The following MMRN2 variants were observed in gnomAD, a reference collection of about 807,000 sequenced individuals.
MMRN2 encodes the protein multimerin-2.
Under a neutral mutation model 68.8 loss-of-function variants are expected in MMRN2, and 53 were observed. That is an observed-to-expected ratio of 0.77 (90% CI 0.62 to 0.97). The LOEUF is 0.97. Among genes scored for constraint, MMRN2 ranks in the 50% least tolerant of loss-of-function variants. MMRN2 has a pLI of 0.00. For synonymous variants in MMRN2, 564 were observed against 551.6 expected, an observed-to-expected ratio of 1.02 and a Z score of -0.32; for missense variants, 1,266 against 1,259.5, an observed-to-expected ratio of 1.01 and a Z score of -0.08.
At position 86,945,418 on chromosome 10, in the gene MMRN2, C is replaced by T; in HGVS notation, c.352G>A (p.Ala118Thr). Residue 118 changes from alanine to threonine, a missense_variant, in exon 3 of 7, where the codon GCC becomes ACC. Transcript: ENST00000372027. ...GTGTAGCCAGGGCAGCACCTCCAGG[C>T]CAAAGAGGTCAGCACCTTCTGCTTG... Reference protein sequence around the residue: ...QVKQKVLTSLAWRCCPGYTGP... With the variant: ...QVKQKVLTSLTWRCCPGYTGP... 1 of 1,578,410 alleles carries T rather than the reference C, an allele frequency of 6.3e-7. No homozygotes were observed. Among genetic ancestry groups the T allele is most frequent in the Non-Finnish European group, 8.6e-7 (1 of 1,160,940 alleles).
In MMRN2 at chr10:86,936,761, G is replaced by C; in HGVS notation, c.2832C>G (p.Phe944Leu). 6.2e-7 allele frequency: 1 copy of C among 1,614,118 alleles called. No individual in the cohort carries two copies. Among genetic ancestry groups the C allele is most frequent in the Non-Finnish European group, 8.5e-7 (1 of 1,179,996 alleles). The part of the protein sequence containing the change: ...RSLSGTAFGG[F>L]LMFKT ...CTGGGGTTCAGGTCTTAAACATCAG[G>C]AAGCCCCCAAATGCAGTGCCCGACA... Residue 944 changes from phenylalanine (F) to leucine (L), a missense_variant, in exon 7 of 7, where the codon TTC (phenylalanine) becomes TTG (leucine). Coordinates refer to ENST00000372027, the MANE Select transcript of MMRN2 (RefSeq NM_024756.3).
At chr10:86,939,833 G>GTT (rs1440270104) in intron 6 of MMRN2, among the ~76,000 whole-genome samples, 35 of 126,522 alleles carry the variant, frequency 2.8e-4, no homozygotes, top group African/African-American at 7.2e-4. Flanking sequence ...GTGTGTGTGT[G>GTT]TGTGTTTGTG....
At position 86,936,913 on chromosome 10, in the gene MMRN2, G is replaced by C. The variant is rs371020260; in HGVS notation, c.2680C>G (p.Arg894Gly). Residue 894 changes from arginine (R) to glycine (G), a missense_variant, in exon 7 of 7, where the codon CGG becomes GGG. Coordinates refer to ENST00000372027, the MANE Select transcript of MMRN2 (RefSeq NM_024756.3). ...TGCCCAGTGGTACAGACTGGAGTCC[G>C]ATGGTGACCTCCAAACACCAGCTGC... ...TGQLVFGGHHRTPVCTTGQGS... is the reference protein window; with the variant it reads ...TGQLVFGGHHGTPVCTTGQGS... The C allele has an allele frequency of 7.4e-6, 12 of 1,614,110 alleles. No homozygotes were observed. Among genetic ancestry groups the C allele is most frequent in the Non-Finnish European group, 1.7e-6 (2 of 1,180,044 alleles).
At position 86,944,127 on chromosome 10, in the gene MMRN2, C is replaced by T; in HGVS notation, c.657G>A (p.Glu219=). The change falls in exon 6 of 7, where the codon GAG becomes GAA. Residue 219 remains glutamate (E), a splice_region_variant and synonymous_variant. Transcript: ENST00000372027. ...AVMEANQTGH[E]FPDRSLEQVL... ...CCTGCTCCAAGGATCTATCAGGGAA[C>T]TCTGCAACAGACATGTGGTGTGACA... 6.2e-7 allele frequency: 1 copy of T among 1,612,970 alleles called. No homozygotes were observed. Among genetic ancestry groups the T allele is most frequent in the Non-Finnish European group, 8.5e-7 (1 of 1,179,244 alleles).
intron 1 of MMRN2, among the ~76,000 whole-genome samples, chr10:86,948,402 A>G (rs1844100033): frequency 6.6e-6 from 1 of 152,092 alleles, no homozygotes; most frequent in African/African-American, 2.4e-5. Context: ...AAAAAAACAA[A>G]TGAGGGGGAG....
At chr10:86,950,549 C>T (rs1376155267) in intron 1 of MMRN2, among the ~76,000 whole-genome samples, 3 of 152,064 alleles carry the variant, frequency 2.0e-5, no homozygotes, top group African/African-American at 4.8e-5. Flanking sequence ...GGTTCCAACA[C>T]AAAAACCAGG....
intron 1 of MMRN2, chr10:86,945,922 A>C: frequency 2.5e-6 from 3 of 1,212,466 alleles, no homozygotes; most frequent in Non-Finnish European, 3.3e-6. Flanking sequence ...AGCCTCCCCG[A>C]GCCAGCAGAG....
At position 86,936,769 on chromosome 10, in the gene MMRN2, C is replaced by A. The variant is rs745652497; in HGVS notation, c.2824G>T (p.Gly942Trp). Residue 942 changes from glycine (G) to tryptophan (W), a missense_variant, in exon 7 of 7, where the codon GGG becomes TGG. Physicochemically the swap from Gly to Trp is radical, Grantham distance 184. Transcript: ENST00000372027. ...TKRSLSGTAF[G>W]GFLMFKT ...CAGGTCTTAAACATCAGGAAGCCCCCAAATGCAGTGCCCGACAGGCTTCTC... is the reference window on the plus strand; with the variant it reads ...CAGGTCTTAAACATCAGGAAGCCCCAAAATGCAGTGCCCGACAGGCTTCTC... 1 of 1,614,174 alleles carries A rather than the reference C, an allele frequency of 6.2e-7. No homozygotes were observed. The highest frequency in any genetic ancestry group is 8.5e-7 in the Non-Finnish European group (1 of 1,180,024).
chr10:86,950,690 G>T (rs530458706), intron 1 of MMRN2, among the ~76,000 whole-genome samples: 2 of 152,290 alleles, frequency 1.3e-5, no homozygotes, highest in South Asian at 2.1e-4. Context: ...ATGAATGAGT[G>T]TAGAGAGCAG....
chr10:86,943,175 G>T lies in MMRN2; in HGVS notation c.1609C>A (p.Gln537Lys). 1 of 1,606,646 alleles carries T rather than the reference G, an allele frequency of 6.2e-7. No homozygotes were observed. The highest frequency in any genetic ancestry group is 8.5e-7 in the Non-Finnish European group (1 of 1,176,684). The change falls in exon 6 of 7, where the codon CAG (glutamine) becomes AAG (lysine). Residue 537 changes from glutamine to lysine, a missense_variant. By Grantham distance (53) the Gln-to-Lys change is moderately conservative. Transcript: ENST00000372027. This position sits in a 1 kb window ranked among gnomAD's most constrained non-coding sequence, Gnocchi z 4.2. ...AGCGACACGGCGTCCACGGCGTTCT[G>T]CAGGGCCTGCAGGGAGGAGCCGTCC... ...QLDGSSLQAL[Q>K]NAVDAVSLAV...
At chr10:86,951,774 ACAGTGACTCATGCCTGTAATC>A in intron 1 of MMRN2, among the ~76,000 whole-genome samples, 1 of 152,248 alleles carries the variant, frequency 6.6e-6, no homozygotes, top group East Asian at 1.9e-4. Context: ...GAACCTGGAC[ACAGTGACTCATGCCTGTAATC>A]CCAGCACTTT....
At chr10:86,939,348 G>C (rs1022492610) in intron 6 of MMRN2, among the ~76,000 whole-genome samples, 5 of 149,628 alleles carry the variant, frequency 3.3e-5, no homozygotes, top group African/African-American at 1.2e-4. Flanking sequence ...TGTAATCCTA[G>C]CTACTCGGGA....
intron 6 of MMRN2, 35 bp from the exon 7 acceptor site, chr10:86,937,160 C>A: frequency 6.2e-7 from 1 of 1,600,512 alleles, no homozygotes; most frequent in Admixed American, 1.7e-5. Flanking sequence ...AGTGATTCAT[C>A]CCTTACACCA....
At chr10:86,954,149 G>C (rs1844183555) in intron 1 of MMRN2, 1 of 152,476 alleles carries the variant, frequency 6.6e-6, no homozygotes, top group African/African-American at 2.4e-5. Flanking sequence ...TCCGTCTCAG[G>C]CTGGCTTCAT....
intron 6 of MMRN2, among the ~76,000 whole-genome samples, chr10:86,939,669 A>C (rs1448831981): frequency 1.1e-4 from 17 of 150,176 alleles, no homozygotes; most frequent in African/African-American, 3.0e-4. Context: ...GCAGAGAGAG[A>C]CCCCCACCCC....
intron 1 of MMRN2, among the ~76,000 whole-genome samples, chr10:86,947,255 T>G (rs560112495): frequency 5.3e-5 from 8 of 152,252 alleles, no homozygotes; most frequent in Middle Eastern, 3.4e-3. Flanking sequence ...GCCTTGGTGA[T>G]GAAGTGGCTG....
At chr10:86,949,079 A>C (rs1408590591) in intron 1 of MMRN2, 2 of 152,256 alleles carry the variant, frequency 1.3e-5, no homozygotes. Context: ...GAAATTTTAG[A>C]ACTCTGGGAA....
Position 86,942,596 on chromosome 10 carries a change from G to T in MMRN2, c.2188C>A (p.Leu730Ile). ...GAGAASLNASLHGLHNALFAT... is the reference protein window; with the variant it reads ...GAGAASLNASIHGLHNALFAT... ...AAGAGTGCGTTGTGGAGGCCGTGAAGGGAGGCGTTGAGGGAGGCGGCCCCG... is the reference window on the plus strand; with the variant it reads ...AAGAGTGCGTTGTGGAGGCCGTGAATGGAGGCGTTGAGGGAGGCGGCCCCG... Residue 730 changes from leucine to isoleucine, a missense_variant, in exon 6 of 7, where the codon CTT becomes ATT. Physicochemically the swap from Leu to Ile is conservative, Grantham distance 5. Coordinates refer to ENST00000372027, the MANE Select transcript of MMRN2 (RefSeq NM_024756.3). The T allele has an allele frequency of 6.2e-7, 1 of 1,608,790 alleles. No homozygotes were observed.
intron 1 of MMRN2, among the ~76,000 whole-genome samples, chr10:86,953,352 A>C (rs1844169282): frequency 6.6e-6 from 1 of 152,208 alleles, no homozygotes; most frequent in Admixed American, 6.5e-5. Context: ...TTATGTTCAG[A>C]GATTGCAGTA....
Sources: allele counts gnomAD v4.1 joint callset (sites outside exome capture counted in the v4.1 genomes callset), GRCh38; gene constraint gnomAD v4.1.1; non-coding constraint Gnocchi (gnomAD v3.1); transcripts MANE v1.5; gene names NCBI Gene and HGNC (gene_info 2026-07-23, HGNC 2026-07-21).